FCSK: variants seen among roughly 807,000 people sequenced by gnomAD.
The protein encoded by FCSK is L-fucose kinase.
A neutral mutation model predicts 122.5 loss-of-function variants in FCSK; 123 were observed. The observed-to-expected ratio is 1.00, with a 90% confidence interval of 0.87 to 1.17. FCSK has a LOEUF of 1.17. Among genes scored for constraint, FCSK ranks in the 50% most tolerant of loss-of-function variants. The probability of loss-of-function intolerance (pLI) is 0.00; values close to 1 mark genes in which losing one functional copy is unlikely to be tolerated. For missense variants in FCSK, 1,366 were observed against 1,450.4 expected (o/e 0.94, Z 0.95); for synonymous variants, 620 against 625.5 (o/e 0.99, Z 0.13).
rs1309702503 is a variant in FCSK at position 70,473,072 on chromosome 16, A to ACCT, written c.1496_1497insCCT (p.Glu499delinsAspLeu). 17 of 1,590,800 alleles carry ACCT rather than the reference A, an allele frequency of 1.1e-5. No individual in the cohort carries two copies. The highest frequency in any genetic ancestry group is 1.4e-5 in the Non-Finnish European group (16 of 1,169,548). On this transcript the variant is annotated protein_altering_variant, in exon 15 of 24. Transcript: ENST00000288078. This position sits in a 1 kb window ranked among gnomAD's most constrained non-coding sequence, Gnocchi z 4.9. ...TTTCCTGTGCTCCACCCCTCGAGGG[A>ACCT]GCTGGGACCCCAGGACCTGCTGTGG...
chr16:70,472,199 G>A (rs572443174), intron 13 of FCSK, among the ~76,000 whole-genome samples: 90 of 152,290 alleles, frequency 5.9e-4, no homozygotes, highest in African/African-American at 2.1e-3. Context: ...GTTGTGGTGG[G>A]CTGGGCCTGG....
chr16:70,458,545 C>A lies in FCSK; in HGVS notation c.-23+3915C>A, dbSNP rs140668909. Among the ~76,000 whole-genome samples, 143 of 151,834 alleles carry A rather than the reference C, an allele frequency of 9.4e-4. 4 individuals are homozygous for A. In the East Asian group the frequency reaches 0.023, roughly 24 times the overall value. On this transcript the variant is annotated intron_variant, in intron 1 of 23. Transcript: ENST00000288078. ...GCAGTGGCGTGATCTTGGCTCACTG[C>A]AACCTCCACCTCCCAGGTTCAGCCT...
intron 1 of FCSK, among the ~76,000 whole-genome samples, chr16:70,457,029 A>T (rs1029756410): frequency 6.6e-6 from 1 of 152,070 alleles, no homozygotes; most frequent in South Asian, 2.1e-4. Context: ...TAAAAAAAAA[A>T]ATAGATTAAG....
Position 70,479,701 on chromosome 16 carries a change from AG to A in FCSK, c.*23del, listed in dbSNP as rs749277511. The A allele has an allele frequency of 1.9e-6, 3 of 1,599,400 alleles. No individual in the cohort carries two copies. Among genetic ancestry groups the A allele is most frequent in the Non-Finnish European group, 2.6e-6 (3 of 1,167,986 alleles). On this transcript the variant is annotated 3_prime_UTR_variant, in exon 24 of 24. Transcript: ENST00000288078. ...CATGAAGCTGGCTTCTCTCTGCAAC[AG>A]GAGAAAACCTGGAGCTACAGTGTCC...
chr16:70,474,899 C>A lies in FCSK; in HGVS notation c.2265C>A (p.Ile755=). 6.2e-7 allele frequency: 1 copy of A among 1,609,268 alleles called. No individual in the cohort carries two copies. Among genetic ancestry groups the A allele is most frequent in the East Asian group, 2.2e-5 (1 of 44,688 alleles). The change falls in exon 18 of 24, where the codon ATC becomes ATA. Residue 755 remains isoleucine (I), a synonymous_variant. Coordinates refer to ENST00000288078, the MANE Select transcript of FCSK (RefSeq NM_145059.3). ...RRPIGARARR[I]PEPELWLAVG... ...CCATCGGAGCCAGGGCACGCCGCAT[C>A]CCGGAGCCTGAGCTGTGGCTGGCGG...
chr16:70,463,337 C>A, intron 2 of FCSK, 65 bp downstream of exon 2: 1 of 1,405,444 alleles, frequency 7.1e-7, no homozygotes, highest in Non-Finnish European at 1.0e-6. Flanking sequence ...TGGCTATGTC[C>A]CTCCAACACC....
chr16:70,471,186 C>G lies in FCSK; in HGVS notation c.1175C>G (p.Pro392Arg), dbSNP rs200941250. The change falls in exon 13 of 24, where the codon CCC (proline) becomes CGC (arginine). Residue 392 changes from proline to arginine, a missense_variant. By Grantham distance (103) the Pro-to-Arg change is moderately radical. Coordinates refer to ENST00000288078, the MANE Select transcript of FCSK (RefSeq NM_145059.3). ...GCCTGCCCTGTCCCCCACCAGGGCC[C>G]CATTCACATAGGCGCTGGCTGCTTG... ...SVLQHCHLQG[P>R]IHIGAGCLVT... 1.9e-4 allele frequency: 310 copies of G among 1,602,406 alleles called. No homozygotes were observed. The highest frequency in any genetic ancestry group is 2.5e-4 in the Non-Finnish European group (296 of 1,173,036).
chr16:70,466,578 T>A lies in FCSK; in HGVS notation c.412-304T>A, dbSNP rs1407769777. ...TGGGCATGATGGCATGCACTTGTAGTCCCAGCTACTCAAGAGGCTGAGGCA... is the reference window on the plus strand; with the variant it reads ...TGGGCATGATGGCATGCACTTGTAGACCCAGCTACTCAAGAGGCTGAGGCA... On this transcript the variant is annotated intron_variant, in intron 5 of 23. Transcript: ENST00000288078. The A allele has an allele frequency of 1.3e-4, 65 of 505,152 alleles. No homozygotes were observed. The East Asian group carries it at 2.2e-3, about 17-fold the overall frequency. 31.3% of individuals were successfully genotyped at this position (505,152 alleles called of 1,614,324 possible). A position where few individuals can be genotyped will look rare whatever the true frequency, so the allele number is the denominator to read the frequency against.
chr16:70,467,743 GC>G (rs1232280564), intron 7 of FCSK, 142 bp from the exon 8 acceptor site: 6 of 705,166 alleles, frequency 8.5e-6, no homozygotes, highest in African/African-American at 1.8e-5. Flanking sequence ...GAAATCTCAG[GC>G]CCCCCCTGAG....
At chr16:70,470,932 C>T (rs769561102) in intron 11 of FCSK, 39 bp from the exon 12 acceptor site, 1 of 1,520,390 alleles carries the variant, frequency 6.6e-7, no homozygotes, top group Non-Finnish European at 8.9e-7. Flanking sequence ...CAGCCCTGGG[C>T]CTCGACCCCC....
intron 1 of FCSK, among the ~76,000 whole-genome samples, chr16:70,455,489 A>T (rs1007123160): frequency 7.3e-6 from 1 of 136,914 alleles, no homozygotes; most frequent in Non-Finnish European, 1.6e-5. Flanking sequence ...CGTCTCAAAA[A>T]CAAAACAAAA....
At chr16:70,470,942 C>G (rs768494181) in intron 11 of FCSK, 29 bp from the exon 12 acceptor site, 4 of 1,547,466 alleles carry the variant, frequency 2.6e-6, no homozygotes, top group Non-Finnish European at 3.5e-6. Context: ...CCTCGACCCC[C>G]CTCATGCTCC....
intron 1 of FCSK, among the ~76,000 whole-genome samples, chr16:70,462,647 T>C (rs572783924): frequency 1.2e-3 from 186 of 151,368 alleles, no homozygotes; most frequent in African/African-American, 4.2e-3. Flanking sequence ...TTTTCTTTTA[T>C]TTATTTATTT....
chr16:70,464,686 C>A, intron 3 of FCSK, among the ~76,000 whole-genome samples: 1 of 134,484 alleles, frequency 7.4e-6, no homozygotes, highest in East Asian at 2.1e-4. Flanking sequence ...GGCAACAGAG[C>A]GAGACTGCAT....
In FCSK at chr16:70,468,834, T is replaced by C; in HGVS notation, c.664-15T>C. On this transcript the variant is annotated splice_polypyrimidine_tract_variant and intron_variant, in intron 8 of 23. Transcript: ENST00000288078. ...CAGGGCCCTCCATCTCTGATCCTTT[T>C]GGGGTCCCTTCCAGGTCTCTGGGGT... 1 of 1,613,862 alleles carries C rather than the reference T, an allele frequency of 6.2e-7. No individual in the cohort carries two copies. Among genetic ancestry groups the C allele is most frequent in the African/African-American group, 1.3e-5 (1 of 75,000 alleles).
chr16:70,471,109 T>G (rs1235224314), intron 12 of FCSK, 37 bp downstream of exon 12: 1 of 1,589,964 alleles, frequency 6.3e-7, no homozygotes, highest in African/African-American at 1.3e-5. Context: ...GGGGCGAGGG[T>G]GCTGGCATCC....
rs1035978768 is a variant in FCSK, at chr16:70,471,294, G to A, written c.1283G>A (p.Arg428Gln). The change falls in exon 13 of 24, where the codon CGG (arginine) becomes CAG (glutamine). Residue 428 changes from arginine (R) to glutamine (Q), a missense_variant. Coordinates refer to ENST00000288078, the MANE Select transcript of FCSK (RefSeq NM_145059.3). Reference sequence around the variant, plus strand: ...CTTGTCCTGCAGGGACACCACACGCGGCTACACGGCTCCCCGGGCCACGCC... The same window carrying A: ...CTTGTCCTGCAGGGACACCACACGCAGCTACACGGCTCCCCGGGCCACGCC... ...RDLVLQGHHTRLHGSPGHAFT... is the reference protein window; with the variant it reads ...RDLVLQGHHTQLHGSPGHAFT... 6.2e-6 allele frequency: 10 copies of A among 1,604,820 alleles called. No homozygotes were observed. Among genetic ancestry groups the A allele is most frequent in the East Asian group, 4.5e-5 (2 of 44,542 alleles).
intron 20 of FCSK, 198 bp downstream of exon 20, chr16:70,475,965 G>A (rs1164095160): frequency 2.3e-5 from 12 of 523,706 alleles, no homozygotes; most frequent in East Asian, 6.7e-5. Flanking sequence ...CCAACGAGCC[G>A]TTTCACAAGC....
At chr16:70,459,340 C>A (rs1300803328) in intron 1 of FCSK, among the ~76,000 whole-genome samples, 1 of 151,940 alleles carries the variant, frequency 6.6e-6, no homozygotes, top group Non-Finnish European at 1.5e-5. Context: ...AGTTTGAGAC[C>A]AGCCTGGCCA....
Sources: gnomAD v4.1 joint callset for allele counts (sites outside exome capture counted in the v4.1 genomes callset) on GRCh38, gnomAD v4.1.1 for gene constraint, Gnocchi (gnomAD v3.1) non-coding constraint, MANE v1.5 for transcripts, NCBI Gene and HGNC (gene_info 2026-07-23, HGNC 2026-07-21) for gene names.